Variants in SLFN14 observed in about 807,000 individuals in gnomAD.
SLFN14 encodes protein SLFN14.
A neutral mutation model predicts 58.6 loss-of-function variants in SLFN14; 47 were observed. The ratio of observed to expected loss-of-function variants is 0.80; its 90% CI spans 0.64 to 1.02. The LOEUF (loss-of-function observed/expected upper bound fraction) is 1.02, where lower values mean the gene tolerates loss of function less well. Among genes scored for constraint, SLFN14 ranks in the 50% least tolerant of loss-of-function variants. SLFN14 has a pLI of 0.00. For synonymous variants in SLFN14, 390 were observed against 387.3 expected (o/e 1.01, Z -0.08); for missense variants, 967 against 1,078.4 (o/e 0.90, Z 1.45).
rs1254225572 is a variant in SLFN14, at chr17:35,544,566, T to C, written c.*3673A>G. On this transcript the variant is annotated 3_prime_UTR_variant, in exon 6 of 6. Transcript: ENST00000674182. ...TTTTTGAGACAGAGTTTCACTCTTG[T>C]TGCCCAGGCTGAAGTGCAGTGGCGC... 6.6e-6 allele frequency among the ~76,000 whole-genome samples: 1 copy of C among 151,466 alleles called. No homozygotes were observed. The highest frequency in any genetic ancestry group is 1.5e-5 in the Non-Finnish European group (1 of 67,942).
intron 5 of SLFN14, among the ~76,000 whole-genome samples, chr17:35,549,413 C>T (rs1393862389): frequency 6.6e-6 from 1 of 152,246 alleles, no homozygotes; most frequent in African/African-American, 2.4e-5. Context: ...TCAAAGTTAA[C>T]TTACACTTCT....
chr17:35,559,478 C>T (rs1361537336), intron 2 of SLFN14, among the ~76,000 whole-genome samples: 1 of 152,138 alleles, frequency 6.6e-6, no homozygotes, highest in Non-Finnish European at 1.5e-5. Context: ...TGGAAAAGAA[C>T]ATGAGCTTTT....
At position 35,548,959 on chromosome 17, in the gene SLFN14, A is replaced by C; in HGVS notation, c.2019T>G (p.Asn673Lys). 1 of 1,551,676 alleles carries C rather than the reference A, an allele frequency of 6.4e-7. No homozygotes were observed. The change falls in exon 6 of 6, where the codon AAT becomes AAG. Residue 673 changes from asparagine to lysine, a missense_variant. Coordinates refer to ENST00000674182, the MANE Select transcript of SLFN14 (RefSeq NM_001129820.2). The part of the protein sequence containing the change: ...ETENFCSKYG[N>K]WYMKAKNITH... ...TGATGTTCTTAGCCTTCATGTACCA[A>C]TTGCCATATTTGCTGCAGAAATTCT...
intron 3 of SLFN14, among the ~76,000 whole-genome samples, chr17:35,555,205 T>C (rs2142208049): frequency 6.6e-6 from 1 of 151,924 alleles, no homozygotes; most frequent in South Asian, 2.1e-4. Context: ...ACCCCGTCTC[T>C]ACTAAAAACA....
At chr17:35,555,350 T>C (rs982908436) in intron 3 of SLFN14, among the ~76,000 whole-genome samples, 55 of 146,838 alleles carry the variant, frequency 3.7e-4, no homozygotes, top group Non-Finnish European at 6.6e-4. Flanking sequence ...CCAGCCTGGG[T>C]GACAGAGCGA....
intron 5 of SLFN14, 28 bp downstream of exon 5, chr17:35,552,702 G>A: frequency 2.9e-6 from 4 of 1,383,108 alleles, no homozygotes; most frequent in Non-Finnish European, 3.9e-6. Context: ...ACATATTTTT[G>A]TGTGTGTGTA....
In SLFN14 at chr17:35,557,273, G is replaced by T. The variant is rs1430842066; in HGVS notation, c.790C>A (p.Pro264Thr). The change falls in exon 3 of 6, where the codon CCT becomes ACT. Residue 264 changes from proline (P) to threonine (T), a missense_variant. Transcript: ENST00000674182. ...VVGCKWEKVN[P>T]DLLKKEIENC... Reference sequence around the variant, plus strand: ...TCGATTTCTTTTTTTAGTAAGTCAGGATTCACTTTTTCCCACTTACATCCA... The same window carrying T: ...TCGATTTCTTTTTTTAGTAAGTCAGTATTCACTTTTTCCCACTTACATCCA... 3 of 1,551,538 alleles carry T rather than the reference G, an allele frequency of 1.9e-6. No homozygotes were observed. The African/African-American group carries it at 4.1e-5, about 21-fold the overall frequency.
intron 3 of SLFN14, 46 bp from the exon 4 acceptor site, chr17:35,554,750 T>TAA (rs10578465): frequency 3.1e-4 from 329 of 1,045,136 alleles, no homozygotes; most frequent in South Asian, 6.2e-4. Flanking sequence ...AATAAAAAGT[T>TAA]AAAAAAAAAA....
intron 5 of SLFN14, among the ~76,000 whole-genome samples, chr17:35,550,025 G>A (rs1370721590): frequency 4.6e-5 from 7 of 152,254 alleles, no homozygotes; most frequent in East Asian, 1.9e-4. Context: ...ATAATCTGGC[G>A]TCTACCTCCT....
At position 35,560,775 on chromosome 17, in the gene SLFN14, C is replaced by T. The variant is rs321597; in HGVS notation, c.-132G>A. Among the ~76,000 whole-genome samples, 113,994 of 149,744 alleles carry T rather than the reference C, an allele frequency of 0.76. 44,090 individuals are homozygous for T. Among genetic ancestry groups the T allele is most frequent in the African/African-American group, 0.91 (36,997 of 40,664 alleles). ...TTTTTTTTTTTTTTTACCTATGCTC[C>T]TGTGTTTCCTCTTGCTGCTTCAGTT... is the stretch of plus-strand genomic sequence containing the variant. On this transcript the variant is annotated 5_prime_UTR_variant, in exon 1 of 6. Transcript: ENST00000674182.
intron 5 of SLFN14, among the ~76,000 whole-genome samples, chr17:35,550,514 C>T (rs931048977): frequency 1.3e-5 from 2 of 152,138 alleles, no homozygotes; most frequent in African/African-American, 4.8e-5. Context: ...CCACTGCACT[C>T]CAGCCTGGTT....
chr17:35,545,040 C>T lies in SLFN14; in HGVS notation c.*3199G>A, dbSNP rs1296136985. Among the ~76,000 whole-genome samples, 1 of 152,094 alleles carries T rather than the reference C, an allele frequency of 6.6e-6. No homozygotes were observed. The highest frequency in any genetic ancestry group is 6.6e-5 in the Admixed American group (1 of 15,256). ...GAATTCTAAAACAACCAAGTTAGTC[C>T]ATTATTCTTAGTCCCCACCAGTTCC... is the stretch of plus-strand genomic sequence containing the variant. On this transcript the variant is annotated 3_prime_UTR_variant, in exon 6 of 6. Transcript: ENST00000674182.
intron 3 of SLFN14, 188 bp from the exon 4 acceptor site, chr17:35,554,892 G>A: frequency 5.4e-6 from 2 of 369,972 alleles, no homozygotes; most frequent in South Asian, 9.5e-5. Context: ...TTCCTACAGG[G>A]GACATATCAC....
At position 35,548,281 on chromosome 17, in the gene SLFN14, A is replaced by C; in HGVS notation, c.2697T>G (p.Ile899Met). The C allele has an allele frequency of 6.4e-7, 1 of 1,551,706 alleles. No individual in the cohort carries two copies. The highest frequency in any genetic ancestry group is 8.7e-7 in the Non-Finnish European group (1 of 1,146,970). Residue 899 changes from isoleucine (I) to methionine (M), a missense_variant, in exon 6 of 6, where the codon ATT becomes ATG. Coordinates refer to ENST00000674182, the MANE Select transcript of SLFN14 (RefSeq NM_001129820.2). ...FHKLCFASRA[I>M]KHLYLLYEKR... is the part of the protein sequence containing the mutation. ...TTTCATAAAGCAGGTAGAGGTGTTT[A>C]ATGGCTCTTGAAGCAAAGCAGAGCT...
chr17:35,555,558 A>G (rs893705377), intron 3 of SLFN14, among the ~76,000 whole-genome samples: 2 of 150,454 alleles, frequency 1.3e-5, no homozygotes, highest in Non-Finnish European at 2.9e-5. Flanking sequence ...TCTCAAAAAA[A>G]AAAAAAAATG....
intron 3 of SLFN14, 30 bp from the exon 4 acceptor site, chr17:35,554,734 A>C: frequency 1.5e-6 from 2 of 1,316,638 alleles, no homozygotes; most frequent in South Asian, 2.0e-5. Context: ...GTTGTTTCAG[A>C]CAAAAAATAA....
At position 35,552,635 on chromosome 17, in the gene SLFN14, T is replaced by C. The variant is rs9892603; in HGVS notation, c.1904+95A>G. On this transcript the variant is annotated intron_variant, in intron 5 of 5. Coordinates refer to ENST00000674182, the MANE Select transcript of SLFN14 (RefSeq NM_001129820.2). ...ATGTGTATATATATACACATATATA[T>C]ACATATATATATACACATATATATA... 5.3e-4 allele frequency: 211 copies of C among 395,188 alleles called. 2 individuals are homozygous for C. The highest frequency in any genetic ancestry group is 7.8e-4 in the Middle Eastern group (1 of 1,284). 24.5% of individuals were successfully genotyped at this position (395,188 alleles called of 1,614,324 possible). A position where few individuals can be genotyped will look rare whatever the true frequency, so the allele number is the denominator to read the frequency against.
At chr17:35,555,851 T>TC (rs2072647576) in intron 3 of SLFN14, among the ~76,000 whole-genome samples, 1 of 151,786 alleles carries the variant, frequency 6.6e-6, no homozygotes, top group African/African-American at 2.4e-5. Context: ...GGGGTCCTGC[T>TC]CCCCCCAGCA....
intron 5 of SLFN14, 58 bp from the exon 6 acceptor site, chr17:35,549,131 C>A: frequency 7.6e-7 from 1 of 1,324,336 alleles, no homozygotes; most frequent in South Asian, 1.3e-5. Context: ...CACCAGCAGT[C>A]ATTACTCTCT....
Sources: allele counts gnomAD v4.1 joint callset (sites outside exome capture counted in the v4.1 genomes callset), GRCh38; gene constraint gnomAD v4.1.1; transcripts MANE v1.5; gene names NCBI Gene and HGNC (gene_info 2026-07-23, HGNC 2026-07-21).